The following BCAS3 variants were observed in gnomAD, a reference collection of about 807,000 sequenced individuals.
The protein encoded by BCAS3 is BCAS3 microtubule associated cell migration factor.
BCAS3 carries 53 observed loss-of-function variants against 116.1 expected under a neutral mutation model. That is an observed-to-expected ratio of 0.46 (90% CI 0.37 to 0.57). The LOEUF (loss-of-function observed/expected upper bound fraction) is 0.57. BCAS3 is among the 20% of genes least tolerant of loss of function. BCAS3 has a pLI of 0.00. For synonymous variants in BCAS3, 391 were observed against 408.2 expected (o/e 0.96, Z 0.51); for missense variants, 917 against 1,165.4 (o/e 0.79, Z 3.10).
chr17:61,312,953 A>G (rs2054437955), intron 22 of BCAS3, among the ~76,000 whole-genome samples: 2 of 152,226 alleles, frequency 1.3e-5, no homozygotes, highest in Non-Finnish European at 2.9e-5. Context: ...TCACTCAGTT[A>G]GAAGAAATGT....
intron 22 of BCAS3, among the ~76,000 whole-genome samples, chr17:61,109,315 G>GTGTA (rs1383803332): frequency 6.6e-6 from 1 of 151,200 alleles, no homozygotes; most frequent in African/African-American, 2.4e-5. Context: ...GTGTGTGTGT[G>GTGTA]TATACACGCC....
chr17:60,845,430 A>G (rs1478283355), intron 7 of BCAS3, among the ~76,000 whole-genome samples: 1 of 152,216 alleles, frequency 6.6e-6, no homozygotes, highest in African/African-American at 2.4e-5. Flanking sequence ...GTAATGTTTG[A>G]GTGTGATATA....
intron 23 of BCAS3, among the ~76,000 whole-genome samples, chr17:61,384,960 G>A (rs1176976669): frequency 6.6e-6 from 1 of 152,190 alleles, no homozygotes; most frequent in East Asian, 1.9e-4. Context: ...GGAGGTGGGT[G>A]TATGCTCAGT....
chr17:61,103,079 G>A (rs555191818), intron 22 of BCAS3, among the ~76,000 whole-genome samples: 45 of 152,184 alleles, frequency 3.0e-4, no homozygotes, highest in Non-Finnish European at 5.7e-4. Context: ...TTGGTATGAA[G>A]ATATATTCCA....
chr17:61,368,698 C>T lies in BCAS3; in HGVS notation c.2593+204C>T, dbSNP rs1236771125. Among the ~76,000 whole-genome samples, 2 of 152,236 alleles carry T rather than the reference C, an allele frequency of 1.3e-5. No homozygotes were observed. The highest frequency in any genetic ancestry group is 4.8e-5 in the African/African-American group (2 of 41,466). ...GCTCCCAGTGGAACTGCCCCTCCCACGTGGAATACCACATGCAGGATTGCC... is the reference window on the plus strand; with the variant it reads ...GCTCCCAGTGGAACTGCCCCTCCCATGTGGAATACCACATGCAGGATTGCC... On this transcript the variant is annotated intron_variant, in intron 23 of 23. Coordinates refer to ENST00000407086, the MANE Select transcript of BCAS3 (RefSeq NM_017679.5). The surrounding 1 kb of genome is among the most constrained non-coding windows in gnomAD (Gnocchi z 6.0).
At position 61,282,347 on chromosome 17, in the gene BCAS3, G is replaced by C. The variant is rs1168249201; in HGVS notation, c.2426-85980G>C. On this transcript the variant is annotated intron_variant, in intron 22 of 23. Transcript: ENST00000407086. This position sits in a 1 kb window ranked among gnomAD's most constrained non-coding sequence, Gnocchi z 5.9. ...TGAGCCTTGGTTGGGAGCTGAATGA[G>C]AAGGGGCAATTGGGCCTCTGGTGAA... Among the ~76,000 whole-genome samples, 1 of 152,226 alleles carries C rather than the reference G, an allele frequency of 6.6e-6. No individual in the cohort carries two copies. The highest frequency in any genetic ancestry group is 2.4e-5 in the African/African-American group (1 of 41,452).
At chr17:60,788,132 G>A (rs1204273411) in intron 6 of BCAS3, among the ~76,000 whole-genome samples, 1 of 152,098 alleles carries the variant, frequency 6.6e-6, no homozygotes, top group Non-Finnish European at 1.5e-5. Flanking sequence ...AACACTAAGG[G>A]ATTAAATGCA....
chr17:61,005,208 A>G (rs918495413), intron 15 of BCAS3, among the ~76,000 whole-genome samples: 2 of 152,128 alleles, frequency 1.3e-5, no homozygotes, highest in African/African-American at 2.4e-5. Context: ...TCATAGGCAT[A>G]CTTTTGGAAA....
At chr17:60,721,942 A>G (rs1286297783) in intron 5 of BCAS3, among the ~76,000 whole-genome samples, 1 of 152,122 alleles carries the variant, frequency 6.6e-6, no homozygotes, top group African/African-American at 2.4e-5. Context: ...TGAATGTCTA[A>G]GAAATATGGT....
rs1201541185 is a variant in BCAS3 at position 61,128,573 on chromosome 17, C to T, written c.2425+44009C>T. 1 of 985,236 alleles carries T rather than the reference C, an allele frequency of 1.0e-6. No homozygotes were observed. The highest frequency in any genetic ancestry group is 1.7e-5 in the African/African-American group (1 of 57,220). 61.0% of individuals were successfully genotyped at this position (985,236 alleles called of 1,614,324 possible). A position where few individuals can be genotyped will look rare whatever the true frequency, so the allele number is the denominator to read the frequency against. ...TTTGACTGCTATACACAATCCCCAG[C>T]ACTTATAAAATAAAAAAAGTATGGA... is the stretch of plus-strand genomic sequence containing the variant. On this transcript the variant is annotated intron_variant, in intron 22 of 23. Coordinates refer to ENST00000407086, the MANE Select transcript of BCAS3 (RefSeq NM_017679.5). This position sits in a 1 kb window ranked among gnomAD's most constrained non-coding sequence, Gnocchi z 4.1.
At chr17:61,192,570 A>G (rs1365468081) in intron 22 of BCAS3, among the ~76,000 whole-genome samples, 2 of 152,218 alleles carry the variant, frequency 1.3e-5, no homozygotes, top group African/African-American at 4.8e-5. Context: ...CCAGAAGGCA[A>G]TGGAGTAATA....
At chr17:61,329,209 C>A (rs1458625500) in intron 22 of BCAS3, among the ~76,000 whole-genome samples, 3 of 151,330 alleles carry the variant, frequency 2.0e-5, no homozygotes, top group African/African-American at 7.3e-5. Context: ...TCTAAGGGCA[C>A]CGATCCTATC....
In BCAS3 at chr17:61,065,899, A is replaced by C. The variant is rs2070561841; in HGVS notation, c.2030-9021A>C. Among the ~76,000 whole-genome samples the C allele has an allele frequency of 6.6e-6, 1 of 152,226 alleles. No individual in the cohort carries two copies. Among genetic ancestry groups the C allele is most frequent in the Admixed American group, 6.5e-5 (1 of 15,276 alleles). On this transcript the variant is annotated intron_variant, in intron 19 of 23. Transcript: ENST00000407086. This position sits in a 1 kb window ranked among gnomAD's most constrained non-coding sequence, Gnocchi z 4.8. ...TATAATTAAACTTACAAATGCATTTAATCTTCATTTATAGATCAGTGTGAA... is the reference window on the plus strand; with the variant it reads ...TATAATTAAACTTACAAATGCATTTCATCTTCATTTATAGATCAGTGTGAA...
chr17:61,284,948 A>G (rs1467206249), intron 22 of BCAS3, among the ~76,000 whole-genome samples: 1 of 152,210 alleles, frequency 6.6e-6, no homozygotes, highest in Admixed American at 6.5e-5. Context: ...GAATGAATGT[A>G]TAAGTGAAGT....
intron 22 of BCAS3, among the ~76,000 whole-genome samples, chr17:61,342,073 G>A (rs561031187): frequency 6.6e-6 from 1 of 152,146 alleles, no homozygotes; most frequent in East Asian, 1.9e-4. Flanking sequence ...TGTGATCTCG[G>A]CTCACTGCAA....
At chr17:60,703,479 T>TTC (rs2036690932) in intron 4 of BCAS3, among the ~76,000 whole-genome samples, 1 of 151,856 alleles carries the variant, frequency 6.6e-6, no homozygotes, top group Non-Finnish European at 1.5e-5. Context: ...AGGAGATCGC[T>TTC]TGAGCTTGGG....
intron 15 of BCAS3, among the ~76,000 whole-genome samples, chr17:61,014,835 T>G (rs977403179): frequency 2.0e-5 from 3 of 152,232 alleles, no homozygotes; most frequent in Admixed American, 2.0e-4. Flanking sequence ...TTTCTATACA[T>G]TAACAATGAA....
chr17:61,240,196 T>C (rs2047388666), intron 22 of BCAS3, among the ~76,000 whole-genome samples: 1 of 152,206 alleles, frequency 6.6e-6, no homozygotes, highest in Admixed American at 6.5e-5. Context: ...TCTACAGACA[T>C]AATTTCTTCT....
intron 22 of BCAS3, among the ~76,000 whole-genome samples, chr17:61,090,645 ATTC>A (rs2073475038): frequency 6.6e-6 from 1 of 151,854 alleles, no homozygotes; most frequent in Non-Finnish European, 1.5e-5. Flanking sequence ...CATTCCTCTT[ATTC>A]TTCTTTCTTT....
Sources: allele counts gnomAD v4.1 joint callset (sites outside exome capture counted in the v4.1 genomes callset), GRCh38; gene constraint gnomAD v4.1.1; non-coding constraint Gnocchi (gnomAD v3.1); transcripts MANE v1.5; gene names NCBI Gene and HGNC (gene_info 2026-07-23, HGNC 2026-07-21).